RAPGEF2: variants seen among roughly 807,000 people sequenced by gnomAD.
RAPGEF2 encodes PDZ domain containing guanine nucleotide exchange factor (GEF) 1.
Under a neutral mutation model 186.7 loss-of-function variants are expected in RAPGEF2, and 54 were observed. That is an observed-to-expected ratio of 0.29 (90% confidence interval 0.23 to 0.36). RAPGEF2 has a LOEUF of 0.36. Among genes scored for constraint, RAPGEF2 ranks in the 10% least tolerant of loss-of-function variants. The pLI, the probability that RAPGEF2 is intolerant of heterozygous loss-of-function variation, is 1.00. For synonymous variants in RAPGEF2, 712 were observed against 705.9 expected, an observed-to-expected ratio of 1.01 and a Z score of -0.14; for missense variants, 1,532 against 2,045.0, an observed-to-expected ratio of 0.75 and a Z score of 4.84.
At chr4:159,323,667 CTT>C (rs1765536447) in intron 11 of RAPGEF2, 50 bp downstream of exon 11, 28 of 1,097,368 alleles carry the variant, frequency 2.6e-5, no homozygotes, top group Non-Finnish European at 3.1e-5. Context: ...ATAAAGAACA[CTT>C]ATATGCCATT....
Position 159,352,863 on chromosome 4 carries a change from C to T in RAPGEF2, c.4044C>T (p.Gly1348=). The change falls in exon 27 of 30, where the codon GGC becomes GGT. Residue 1348 remains glycine, a synonymous_variant. Transcript: ENST00000691494. ...VSIVETNLGM[G]RMERRTMIEP... ...TCGTGGAAACAAACCTAGGGATGGG[C>T]AGGATGGAGAGGCGGACCATGATTG... The T allele has an allele frequency of 6.2e-7, 1 of 1,614,166 alleles. No individual in the cohort carries two copies. Among genetic ancestry groups the T allele is most frequent in the Non-Finnish European group, 8.5e-7 (1 of 1,180,030 alleles).
At position 159,284,719 on chromosome 4, in the gene RAPGEF2, A is replaced by G. The variant is rs10017292; in HGVS notation, c.544-19623A>G. 8.1e-3 allele frequency among the ~76,000 whole-genome samples: 1,234 copies of G among 152,344 alleles called. 13 individuals are homozygous for G. Among genetic ancestry groups the G allele is most frequent in the African/African-American group, 0.028 (1,163 of 41,574 alleles). ...TCATTAACTGGAATATATGAAATAT[A>G]TAAAATTCTTGAAAATTGTTTAAAG... On this transcript the variant is annotated intron_variant, in intron 7 of 29. Coordinates refer to ENST00000691494, the MANE Select transcript of RAPGEF2 (RefSeq NM_001394067.2).
At chr4:159,158,620 C>T (rs1426215416) in intron 1 of RAPGEF2, among the ~76,000 whole-genome samples, 1 of 152,116 alleles carries the variant, frequency 6.6e-6, no homozygotes, top group Non-Finnish European at 1.5e-5. Context: ...TTACCAGTAG[C>T]AACCCTTGGT....
At chr4:159,264,408 A>G (rs79498039) in intron 7 of RAPGEF2, among the ~76,000 whole-genome samples, 66 of 152,262 alleles carry the variant, frequency 4.3e-4, no homozygotes, top group African/African-American at 1.4e-3. Flanking sequence ...GAGGCAAGCA[A>G]TTGGTAACCT....
chr4:159,107,402 A>T (rs1319882142), intron 1 of RAPGEF2, among the ~76,000 whole-genome samples: 1 of 152,152 alleles, frequency 6.6e-6, no homozygotes, highest in Non-Finnish European at 1.5e-5. Context: ...CCATTTTGTT[A>T]ACTTGTTGAG....
Position 159,103,099 on chromosome 4 carries a change from G to T in RAPGEF2, c.-1064G>T. ...TCCCTGAGGAGCGGCTCCGGCGGCC[G>T]GAGAAGGCGCAGGAGGAGGAAGAGG... On this transcript the variant is annotated 5_prime_UTR_variant, in exon 1 of 30. Transcript: ENST00000691494. 6.6e-6 allele frequency: 1 copy of T among 152,470 alleles called. No homozygotes were observed. The highest frequency in any genetic ancestry group is 1.5e-5 in the Non-Finnish European group (1 of 68,484). The allele number at this position is 152,470 out of a possible 1,614,324, so 9.4% of individuals were successfully genotyped here.
chr4:159,163,918 C>G (rs192311555), intron 1 of RAPGEF2, among the ~76,000 whole-genome samples: 1 of 151,860 alleles, frequency 6.6e-6, no homozygotes, highest in South Asian at 2.1e-4. Context: ...GGTTGTATCT[C>G]ACATATCAGG....
intron 3 of RAPGEF2, among the ~76,000 whole-genome samples, chr4:159,206,452 G>A (rs1228510585): frequency 6.6e-6 from 1 of 152,230 alleles, no homozygotes. Context: ...TTGCCTGGAA[G>A]TGAGGTCTCA....
At chr4:159,296,065 A>AT (rs1260343797) in intron 7 of RAPGEF2, among the ~76,000 whole-genome samples, 2 of 152,216 alleles carry the variant, frequency 1.3e-5, no homozygotes, top group Non-Finnish European at 2.9e-5. Context: ...CGAGGCCTGA[A>AT]TATGTGATCT....
At chr4:159,285,901 T>C (rs1760394332) in intron 7 of RAPGEF2, among the ~76,000 whole-genome samples, 2 of 152,174 alleles carry the variant, frequency 1.3e-5, no homozygotes, top group Non-Finnish European at 2.9e-5. Flanking sequence ...AAATGAGACA[T>C]CAATTGGTTG....
intron 1 of RAPGEF2, among the ~76,000 whole-genome samples, chr4:159,169,044 T>C (rs1264917911): frequency 6.6e-6 from 1 of 152,198 alleles, no homozygotes; most frequent in Non-Finnish European, 1.5e-5. Flanking sequence ...AGGACCAGAG[T>C]ATATTGTACC....
At chr4:159,170,895 A>G (rs1167813796) in intron 1 of RAPGEF2, among the ~76,000 whole-genome samples, 1 of 152,108 alleles carries the variant, frequency 6.6e-6, no homozygotes, top group Non-Finnish European at 1.5e-5. Context: ...ATAAGGGTCT[A>G]ATTTTATTCT....
intron 1 of RAPGEF2, among the ~76,000 whole-genome samples, chr4:159,170,834 C>G (rs1393464210): frequency 6.7e-6 from 1 of 148,884 alleles, no homozygotes; most frequent in Non-Finnish European, 1.5e-5. Context: ...TTTACGGTTC[C>G]AGGTCTTACG....
In RAPGEF2 at chr4:159,329,984, A is replaced by G. The variant is rs757165738; in HGVS notation, c.1276A>G (p.Thr426Ala). The change falls in exon 12 of 30, where the codon ACA (threonine) becomes GCA (alanine). Residue 426 changes from threonine (T) to alanine (A), a missense_variant. By Grantham distance (58) the Thr-to-Ala change is moderately conservative. Around this residue, in one of 4 missense-constraint regions of RAPGEF2, gnomAD observed 810 missense variants for 1,210.5 expected, o/e 0.67. Coordinates refer to ENST00000691494, the MANE Select transcript of RAPGEF2 (RefSeq NM_001394067.2). ...KEHRELDRTG[T>A]RKGHIVIKGT... is the part of the protein sequence containing the mutation. ...ACACCGAGAACTTGATCGAACTGGA[A>G]CAAGAAAGGGACACATTGTCATCAA... The G allele has an allele frequency of 6.2e-7, 1 of 1,613,240 alleles. No individual in the cohort carries two copies. The highest frequency in any genetic ancestry group is 1.7e-5 in the Admixed American group (1 of 59,946).
At chr4:159,322,627 G>A in intron 10 of RAPGEF2, 144 bp downstream of exon 10, 1 of 646,276 alleles carries the variant, frequency 1.5e-6, no homozygotes, top group South Asian at 2.1e-5. Context: ...TGGTACACCT[G>A]TTATGTCACT....
chr4:159,135,395 CTA>C (rs1741611939), intron 1 of RAPGEF2, among the ~76,000 whole-genome samples: 1 of 151,938 alleles, frequency 6.6e-6, no homozygotes, highest in African/African-American at 2.4e-5. Flanking sequence ...ATAGATAATA[CTA>C]TGTTTTGTGT....
intron 1 of RAPGEF2, among the ~76,000 whole-genome samples, chr4:159,135,016 A>G (rs1271192311): frequency 2.6e-5 from 4 of 152,090 alleles, no homozygotes; most frequent in Non-Finnish European, 5.9e-5. Flanking sequence ...ATGTTGTAGC[A>G]TGTATCAGCA....
intron 8 of RAPGEF2, among the ~76,000 whole-genome samples, chr4:159,306,503 C>CT (rs1763318501): frequency 6.6e-6 from 1 of 152,138 alleles, no homozygotes; most frequent in African/African-American, 2.4e-5. Context: ...TCCCTGAATT[C>CT]TTTTATCAAA....
intron 7 of RAPGEF2, among the ~76,000 whole-genome samples, chr4:159,256,887 T>C (rs181399067): frequency 6.6e-6 from 1 of 152,286 alleles, no homozygotes; most frequent in African/African-American, 2.4e-5. Flanking sequence ...TTAATGGAGT[T>C]GTCTGTTTTT....
Sources: gnomAD v4.1 joint callset for allele counts (sites outside exome capture counted in the v4.1 genomes callset) on GRCh38, gnomAD v4.1.1 for gene constraint, gnomAD v4.1.1 regional missense constraint, MANE v1.5 for transcripts, NCBI Gene and HGNC (gene_info 2026-07-23, HGNC 2026-07-21) for gene names.